The following TBC1D16 variants were observed in gnomAD, a reference collection of about 807,000 sequenced individuals.
The protein encoded by TBC1D16 is TBC1 domain family member 16.
In TBC1D16, 58 loss-of-function variants were observed where a neutral mutation model predicts 74.7. The ratio of observed to expected loss-of-function variants is 0.78; its 90% CI spans 0.63 to 0.97. TBC1D16 has a LOEUF of 0.97. Ranked by LOEUF, TBC1D16 falls within the 50% of genes least tolerant of loss-of-function variation. The probability of loss-of-function intolerance (pLI) is 0.00; values close to 1 mark genes in which losing one functional copy is unlikely to be tolerated. For synonymous variants in TBC1D16, 493 were observed against 474.7 expected (o/e 1.04, Z -0.50); for missense variants, 1,014 against 1,079.5 (o/e 0.94, Z 0.85).
At chr17:79,962,977 G>A (rs570413784) in intron 3 of TBC1D16, among the ~76,000 whole-genome samples, 1 of 151,846 alleles carries the variant, frequency 6.6e-6, no homozygotes, top group Non-Finnish European at 1.5e-5. Flanking sequence ...TTGAATCCAG[G>A]AGGCAGAGGT....
rs1180858800 is a variant in TBC1D16, at chr17:80,001,226, G to A, written c.779+8934C>T. Among the ~76,000 whole-genome samples, 2 of 152,248 alleles carry A rather than the reference G, an allele frequency of 1.3e-5. No individual in the cohort carries two copies. The highest frequency in any genetic ancestry group is 2.9e-5 in the Non-Finnish European group (2 of 68,042). On this transcript the variant is annotated intron_variant, in intron 3 of 11. Coordinates refer to ENST00000310924, the MANE Select transcript of TBC1D16 (RefSeq NM_019020.4). The surrounding 1 kb of genome is among the most constrained non-coding windows in gnomAD (Gnocchi z 5.8). ...CCCTGGCATCGGCCACTCTCTGGGT[G>A]CAGGCGGAGCAGCTGGTGGTGGCCA...
intron 1 of TBC1D16, among the ~76,000 whole-genome samples, chr17:80,021,201 G>A (rs2036270035): frequency 2.7e-5 from 4 of 148,902 alleles, no homozygotes; most frequent in African/African-American, 7.8e-5. Flanking sequence ...GCAGTGAGCC[G>A]AGATCGTGCC....
intron 2 of TBC1D16, among the ~76,000 whole-genome samples, chr17:80,011,008 G>A (rs1040805119): frequency 6.6e-6 from 1 of 152,076 alleles, no homozygotes; most frequent in African/African-American, 2.4e-5. Context: ...CCCAAGCACC[G>A]GCCTGCCATG....
At chr17:79,958,556 T>A (rs2033452463) in intron 3 of TBC1D16, among the ~76,000 whole-genome samples, 1 of 152,232 alleles carries the variant, frequency 6.6e-6, no homozygotes, top group African/African-American at 2.4e-5. Context: ...GGAAACAAGA[T>A]GCCAAAGGCT....
intron 1 of TBC1D16, among the ~76,000 whole-genome samples, chr17:80,024,968 ACCCCGTAGGCACACACCACACTCTAC>A (rs1237936540): frequency 1.2e-4 from 10 of 85,328 alleles, no homozygotes; most frequent in South Asian, 3.8e-4. Context: ...CACACACACA[ACCCCGTAGGCACACACCACACTCTAC>A]ACACACACCA....
In TBC1D16 at chr17:79,979,654, C is replaced by T. The variant is rs4441315; in HGVS notation, c.780-26836G>A. ...GGCACACGTCGACCTTCACTGTTTC[C>T]TGCAAACACAGCTGGGACATCAGCC... On this transcript the variant is annotated intron_variant, in intron 3 of 11. Transcript: ENST00000310924. This position sits in a 1 kb window ranked among gnomAD's most constrained non-coding sequence, Gnocchi z 4.8. Among the ~76,000 whole-genome samples the T allele has an allele frequency of 0.56, 85,090 of 151,642 alleles. 24,119 individuals carry two copies. The highest frequency in any genetic ancestry group is 0.64 in the African/African-American group (26,389 of 41,330).
intron 1 of TBC1D16, among the ~76,000 whole-genome samples, chr17:80,015,515 A>AT (rs1347236752): frequency 6.6e-6 from 1 of 152,130 alleles, no homozygotes; most frequent in Non-Finnish European, 1.5e-5. Context: ...GATGTCCAGG[A>AT]CTCTGACCAC....
In TBC1D16 at chr17:79,941,039, C is replaced by T. The variant is rs2031929653; in HGVS notation, c.2124G>A (p.Lys708=). The part of the protein sequence containing the change: ...RIPCSLHDLC[K]LCGSGMWDSG... ...TGTCCCACATGCCTGACCCGCACAG[C>T]TTACACAGATCGTGCAGGCTGCAGG... The change falls in exon 12 of 12, where the codon AAG becomes AAA. Residue 708 remains lysine, a synonymous_variant. Coordinates refer to ENST00000310924, the MANE Select transcript of TBC1D16 (RefSeq NM_019020.4). This position sits in a 1 kb window ranked among gnomAD's most constrained non-coding sequence, Gnocchi z 4.3. 4 of 1,606,694 alleles carry T rather than the reference C, an allele frequency of 2.5e-6. No individual in the cohort carries two copies. Among genetic ancestry groups the T allele is most frequent in the Non-Finnish European group, 3.4e-6 (4 of 1,177,212 alleles).
rs112176718 is a variant in TBC1D16 at position 79,982,240 on chromosome 17, A to G, written c.779+27920T>C. On this transcript the variant is annotated intron_variant, in intron 3 of 11. Coordinates refer to ENST00000310924, the MANE Select transcript of TBC1D16 (RefSeq NM_019020.4). ...CGGCTCACCACAACCTCTGCCTCCC[A>G]GATTCAAGCAATTCTCCTGCCTCAG... 3.1e-4 allele frequency among the ~76,000 whole-genome samples: 46 copies of G among 149,416 alleles called. 1 individual carries two copies. Among genetic ancestry groups the G allele is most frequent in the Middle Eastern group, 7.0e-3 (2 of 286 alleles).
rs2033128636 is a variant in TBC1D16, at chr17:79,952,686, G to C, written c.912C>G (p.Gly304=). Residue 304 remains glycine (G), a synonymous_variant, in exon 4 of 12, where the codon GGC becomes GGG. Transcript: ENST00000310924. ...AGAAAAGGCGGAGGGAGCGCATGTGGCCCAGGTCCACGCGGAACACGCCGC... is the reference window on the plus strand; with the variant it reads ...AGAAAAGGCGGAGGGAGCGCATGTGCCCCAGGTCCACGCGGAACACGCCGC... ...QICGVFRVDL[G]HMRSLRLFFS... 6.2e-7 allele frequency: 1 copy of C among 1,605,662 alleles called. No individual in the cohort carries two copies.
rs1463207911 is a variant in TBC1D16, at chr17:79,950,337, C to G, written c.1257+74G>C. On this transcript the variant is annotated intron_variant, in intron 6 of 11. Coordinates refer to ENST00000310924, the MANE Select transcript of TBC1D16 (RefSeq NM_019020.4). This position sits in a 1 kb window ranked among gnomAD's most constrained non-coding sequence, Gnocchi z 4.6. ...TGCGGGCGGGCGGCCAGGCCCCGGC[C>G]CTCCTTCCCTCTCGCTCGTTCCCGG... The G allele has an allele frequency of 3.4e-6, 5 of 1,482,568 alleles. No homozygotes were observed. Among genetic ancestry groups the G allele is most frequent in the African/African-American group, 2.8e-5 (2 of 70,906 alleles). 91.8% of individuals were successfully genotyped at this position (1,482,568 alleles called of 1,614,324 possible). A position where few individuals can be genotyped will look rare whatever the true frequency, so the allele number is the denominator to read the frequency against.
At chr17:80,011,207 AT>A (rs34838808) in intron 2 of TBC1D16, among the ~76,000 whole-genome samples, 6,093 of 131,588 alleles carry the variant, frequency 0.046, 212 homozygotes, top group African/African-American at 0.1. Flanking sequence ...CACCCAGCTA[AT>A]TTTTTTTTTT....
At position 79,950,272 on chromosome 17, in the gene TBC1D16, C is replaced by A; in HGVS notation, c.1257+139G>T. On this transcript the variant is annotated intron_variant, in intron 6 of 11. Transcript: ENST00000310924. This position sits in a 1 kb window ranked among gnomAD's most constrained non-coding sequence, Gnocchi z 4.6. ...ATCGGTGTGTTCACAGAGAGCCTCA[C>A]ACAAGAAAACGGGGCCCTCACGAGG... is the stretch of plus-strand genomic sequence containing the variant. 1 of 938,766 alleles carries A rather than the reference C, an allele frequency of 1.1e-6. No homozygotes were observed. The highest frequency in any genetic ancestry group is 1.5e-6 in the Non-Finnish European group (1 of 649,872). 58.2% of individuals were successfully genotyped at this position (938,766 alleles called of 1,614,324 possible).
chr17:79,976,974 C>T (rs545210137), intron 3 of TBC1D16, among the ~76,000 whole-genome samples: 56 of 152,304 alleles, frequency 3.7e-4, no homozygotes, highest in African/African-American at 1.3e-3. Flanking sequence ...GCAGTTTCTA[C>T]CTGCCTGCTG....
chr17:79,949,937 T>C (rs2032908715), intron 6 of TBC1D16, 72 bp from the exon 7 acceptor site: 1 of 1,541,326 alleles, frequency 6.5e-7, no homozygotes, highest in South Asian at 1.2e-5. Flanking sequence ...TCCCCAGAGA[T>C]GTGTGTTTTG....
Position 79,949,807 on chromosome 17 carries a change from A to C in TBC1D16, c.1316T>G (p.Leu439Arg). 1 of 1,613,834 alleles carries C rather than the reference A, an allele frequency of 6.2e-7. No homozygotes were observed. The highest frequency in any genetic ancestry group is 8.5e-7 in the Non-Finnish European group (1 of 1,179,978). ...SIRGEVWPFL[L>R]RYYSHESTSE... Reference sequence around the variant, plus strand: ...CGTGGACTCGTGGCTGTAATAGCGCAGCAGGAAGGGCCAGACCTCCCCGCG... The same window carrying C: ...CGTGGACTCGTGGCTGTAATAGCGCCGCAGGAAGGGCCAGACCTCCCCGCG... The change falls in exon 7 of 12, where the codon CTG (leucine) becomes CGG (arginine). Residue 439 changes from leucine to arginine, a missense_variant. Physicochemically the swap from Leu to Arg is moderately radical, Grantham distance 102. Transcript: ENST00000310924.
In TBC1D16 at chr17:80,001,142, T is replaced by C. The variant is rs573506913; in HGVS notation, c.779+9018A>G. Among the ~76,000 whole-genome samples the C allele has an allele frequency of 9.3e-4, 142 of 152,342 alleles. No homozygotes were observed. The highest frequency in any genetic ancestry group is 8.9e-3 in the South Asian group (43 of 4,834). On this transcript the variant is annotated intron_variant, in intron 3 of 11. Coordinates refer to ENST00000310924, the MANE Select transcript of TBC1D16 (RefSeq NM_019020.4). This position sits in a 1 kb window ranked among gnomAD's most constrained non-coding sequence, Gnocchi z 5.8. The stretch of plus-strand genomic sequence containing the variant: ...CATTTCTAGACTGACTATGGCCACA[T>C]GCCAGTTCATGGGGCTCTGACCAGC...
chr17:80,028,297 G>A (rs557374071), intron 1 of TBC1D16, among the ~76,000 whole-genome samples: 23 of 152,202 alleles, frequency 1.5e-4, no homozygotes, highest in African/African-American at 2.6e-4. Flanking sequence ...CTGGAAGGCC[G>A]AGGCAGTTGC....
chr17:79,976,600 T>C (rs1171714962), intron 3 of TBC1D16, among the ~76,000 whole-genome samples: 1 of 152,018 alleles, frequency 6.6e-6, no homozygotes, highest in Non-Finnish European at 1.5e-5. Flanking sequence ...GGGATTCTGG[T>C]GAATGTCCAG....
Sources: gnomAD v4.1 joint callset for allele counts (sites outside exome capture counted in the v4.1 genomes callset) on GRCh38, gnomAD v4.1.1 for gene constraint, Gnocchi (gnomAD v3.1) non-coding constraint, MANE v1.5 for transcripts, NCBI Gene and HGNC (gene_info 2026-07-23, HGNC 2026-07-21) for gene names.